MIPOL1: variants seen among roughly 807,000 people sequenced by gnomAD.
The protein encoded by MIPOL1 is mirror-image polydactyly 1.
Under a neutral mutation model 60.9 loss-of-function variants are expected in MIPOL1, and 57 were observed. That is an observed-to-expected ratio of 0.94 (90% confidence interval 0.76 to 1.17). MIPOL1 has a LOEUF of 1.17. Ranked by LOEUF, MIPOL1 falls within the 50% of genes most tolerant of loss-of-function variation. MIPOL1 has a pLI of 0.00. For missense variants in MIPOL1, 551 were observed against 511.6 expected (o/e 1.08, Z -0.74); for synonymous variants, 179 against 168.8 (o/e 1.06, Z -0.47).
chr14:37,211,516 T>G (rs1966843291), intron 1 of MIPOL1, among the ~76,000 whole-genome samples: 1 of 152,126 alleles, frequency 6.6e-6, no homozygotes, highest in Admixed American at 6.5e-5. Flanking sequence ...GAGGGAACAT[T>G]TAAAGCAGCC....
Position 37,229,434 on chromosome 14 carries a change from A to T in MIPOL1, c.-198-17669A>T, listed in dbSNP as rs2045880354. Among the ~76,000 whole-genome samples the T allele has an allele frequency of 2.6e-5, 4 of 152,314 alleles. No individual in the cohort carries two copies. In the South Asian group the frequency reaches 8.3e-4, roughly 32 times the overall value. ...AGTGCTGGGATTACAGGTGTGAGCC[A>T]CTGCACCCAGCCAAGCCCATTATTC... On this transcript the variant is annotated intron_variant, in intron 1 of 12. Transcript: ENST00000684589.
chr14:37,421,867 A>G (rs1044694364), intron 10 of MIPOL1, among the ~76,000 whole-genome samples: 4 of 149,534 alleles, frequency 2.7e-5, no homozygotes, highest in African/African-American at 1.0e-4. Flanking sequence ...CATTGAAATT[A>G]TATGAATTCA....
At chr14:37,368,681 G>A (rs749963166) in intron 9 of MIPOL1, among the ~76,000 whole-genome samples, 5 of 151,862 alleles carry the variant, frequency 3.3e-5, no homozygotes, top group Non-Finnish European at 7.4e-5. Context: ...AATCCCCCAT[G>A]TGTCTTCCTA....
intron 12 of MIPOL1, among the ~76,000 whole-genome samples, chr14:37,522,876 T>A (rs2095423389): frequency 6.6e-6 from 1 of 152,076 alleles, no homozygotes. Context: ...TACATGTTAG[T>A]GGGAAATTAA....
intron 11 of MIPOL1, among the ~76,000 whole-genome samples, chr14:37,425,413 G>T (rs2093944394): frequency 6.6e-6 from 1 of 152,116 alleles, no homozygotes; most frequent in African/African-American, 2.4e-5. Context: ...AGGATTATAT[G>T]ATCTCTTCTA....
intron 9 of MIPOL1, among the ~76,000 whole-genome samples, chr14:37,334,236 C>T (rs1171977281): frequency 6.6e-6 from 1 of 151,848 alleles, no homozygotes; most frequent in Non-Finnish European, 1.5e-5. Context: ...ATTGCATTTT[C>T]AAAGAATTTA....
chr14:37,437,434 GA>G (rs2094179011), intron 11 of MIPOL1, among the ~76,000 whole-genome samples: 3 of 151,916 alleles, frequency 2.0e-5, no homozygotes, highest in African/African-American at 7.2e-5. Flanking sequence ...AATATTACAT[GA>G]AAAAAGGTGA....
chr14:37,444,702 C>T (rs907124978), intron 11 of MIPOL1, among the ~76,000 whole-genome samples: 2 of 152,062 alleles, frequency 1.3e-5, no homozygotes, highest in African/African-American at 4.8e-5. Flanking sequence ...AGAATCCCAG[C>T]AGCACATCAA....
chr14:37,497,295 G>A (rs1443017918), intron 11 of MIPOL1, among the ~76,000 whole-genome samples: 3 of 152,156 alleles, frequency 2.0e-5, no homozygotes, highest in Non-Finnish European at 4.4e-5. Context: ...TTGACAAATG[G>A]GATCTAATCA....
At chr14:37,316,754 A>T (rs2087951308) in intron 9 of MIPOL1, among the ~76,000 whole-genome samples, 1 of 152,102 alleles carries the variant, frequency 6.6e-6, no homozygotes, top group Non-Finnish European at 1.5e-5. Flanking sequence ...AGGCGGGTGG[A>T]TGACCTGAAT....
At chr14:37,451,036 G>T (rs959010947) in intron 11 of MIPOL1, among the ~76,000 whole-genome samples, 3 of 152,070 alleles carry the variant, frequency 2.0e-5, no homozygotes, top group African/African-American at 7.2e-5. Flanking sequence ...TAAAGTTAAT[G>T]CAGTCATAAT....
chr14:37,270,395 C>A, intron 5 of MIPOL1, 25 bp from the exon 6 acceptor site: 1 of 1,257,160 alleles, frequency 8.0e-7, no homozygotes, highest in Non-Finnish European at 1.1e-6. Flanking sequence ...AATAAGAATC[C>A]ATGATTTTTT....
intron 11 of MIPOL1, among the ~76,000 whole-genome samples, chr14:37,470,121 A>G (rs1227532509): frequency 1.3e-5 from 2 of 152,184 alleles, no homozygotes; most frequent in African/African-American, 4.8e-5. Flanking sequence ...GAAAGAGCCA[A>G]TTTGCAGAGG....
chr14:37,457,624 T>C (rs549805088), intron 11 of MIPOL1, among the ~76,000 whole-genome samples: 4 of 152,312 alleles, frequency 2.6e-5, no homozygotes, highest in African/African-American at 9.6e-5. Context: ...AGCAAAGATT[T>C]TCTCATACCA....
chr14:37,200,875 TGTGTGTGTGTGTG>T (rs1965169754), intron 1 of MIPOL1, among the ~76,000 whole-genome samples: 1 of 118,398 alleles, frequency 8.4e-6, no homozygotes, highest in African/African-American at 3.5e-5. Context: ...TGTGTGTGTG[TGTGTGTGTGTGTG>T]TGTGTGTGTG....
intron 7 of MIPOL1, among the ~76,000 whole-genome samples, chr14:37,291,770 G>A (rs554497969): frequency 6.6e-6 from 1 of 152,170 alleles, no homozygotes; most frequent in East Asian, 1.9e-4. Context: ...ATGGTGGAAA[G>A]CAAAAGGGCA....
intron 9 of MIPOL1, among the ~76,000 whole-genome samples, chr14:37,311,369 A>C (rs187296768): frequency 1.8e-4 from 27 of 152,142 alleles, no homozygotes; most frequent in African/African-American, 6.3e-4. Flanking sequence ...TTCTCCCTCC[A>C]CTGACTTTCA....
chr14:37,427,259 C>T (rs1053367790), intron 11 of MIPOL1, among the ~76,000 whole-genome samples: 1 of 152,142 alleles, frequency 6.6e-6, no homozygotes, highest in Non-Finnish European at 1.5e-5. Flanking sequence ...AATTCTAATA[C>T]ATGCTGCAAC....
At chr14:37,255,276 G>A (rs1974749479) in intron 3 of MIPOL1, among the ~76,000 whole-genome samples, 2 of 151,816 alleles carry the variant, frequency 1.3e-5, no homozygotes, top group African/African-American at 4.8e-5. Flanking sequence ...GTGTGCATTG[G>A]CATTTTGTTG....
Sources: allele counts gnomAD v4.1 joint callset (sites outside exome capture counted in the v4.1 genomes callset), GRCh38; gene constraint gnomAD v4.1.1; transcripts MANE v1.5; gene names NCBI Gene and HGNC (gene_info 2026-07-23, HGNC 2026-07-21).